The following GPR89A variants were observed in gnomAD, a reference collection of about 807,000 sequenced individuals.
GPR89A encodes the protein golgi pH regulator A.
GPR89A carries 16 observed loss-of-function variants against 52.0 expected under a neutral mutation model. The ratio of observed to expected loss-of-function variants is 0.31; its 90% CI spans 0.21 to 0.47. The LOEUF (loss-of-function observed/expected upper bound fraction) is 0.47, where lower values mean the gene tolerates loss of function less well. Among genes scored for constraint, GPR89A ranks in the 20% least tolerant of loss-of-function variants. GPR89A has a pLI of 1.00. For synonymous variants in GPR89A, 55 were observed against 150.9 expected (o/e 0.36, Z 4.66); for missense variants, 135 against 449.4 (o/e 0.30, Z 6.33).
chr1:145,661,775 G>A (rs181679688), intron 10 of GPR89A, among the ~76,000 whole-genome samples: 4,502 of 150,204 alleles, frequency 0.03, 207 homozygotes, highest in African/African-American at 0.1. Flanking sequence ...TGATATAGGG[G>A]TTTTAATGCT....
intron 7 of GPR89A, among the ~76,000 whole-genome samples, chr1:145,639,301 G>T (rs1240965322): frequency 6.6e-6 from 1 of 151,780 alleles, no homozygotes; most frequent in Admixed American, 6.6e-5. Flanking sequence ...GTACAGAAAG[G>T]CAAAATAACT....
chr1:145,646,567 G>A (rs1476947996), intron 9 of GPR89A: 18 of 433,386 alleles, frequency 4.2e-5, no homozygotes, highest in South Asian at 9.0e-5. Context: ...GATAAAGATG[G>A]TAGCTACTTT....
Position 145,663,323 on chromosome 1 carries a change from T to C in GPR89A, c.910-6T>C. On this transcript the variant is annotated splice_region_variant and splice_polypyrimidine_tract_variant and intron_variant, in intron 10 of 13. Transcript: ENST00000313835. ...TGCTCCAAGGTAAAAATCTGCATCT[T>C]TGCAGGCTACCATCAATATTGTTTT... The C allele has an allele frequency of 6.2e-7, 1 of 1,609,622 alleles. No individual in the cohort carries two copies. The highest frequency in any genetic ancestry group is 8.5e-7 in the Non-Finnish European group (1 of 1,178,788).
chr1:145,642,681 C>G (rs1424267467), intron 7 of GPR89A, among the ~76,000 whole-genome samples: 1 of 152,006 alleles, frequency 6.6e-6, no homozygotes, highest in Non-Finnish European at 1.5e-5. Context: ...TTGCTCTTCA[C>G]CATTTTTATC....
chr1:145,647,805 C>G (rs1211512737), intron 10 of GPR89A, among the ~76,000 whole-genome samples: 1 of 248 alleles, frequency 4.0e-3, no homozygotes, highest in East Asian at 0.25. Flanking sequence ...CTCCATCTCT[C>G]TCTCTCTCTT....
chr1:145,639,908 G>A (rs1256249010), intron 7 of GPR89A, among the ~76,000 whole-genome samples: 1 of 152,012 alleles, frequency 6.6e-6, no homozygotes, highest in Non-Finnish European at 1.5e-5. Context: ...CTAAATCTAA[G>A]TCTTACACCT....
intron 10 of GPR89A, among the ~76,000 whole-genome samples, chr1:145,647,750 A>T (rs1432519606): frequency 2.1e-5 from 3 of 140,342 alleles, no homozygotes; most frequent in Admixed American, 7.2e-5. Flanking sequence ...CGTTGCAGTG[A>T]GCTAAGATCA....
Position 145,609,424 on chromosome 1 carries a change from TTTTCA to T in GPR89A, c.42+1251_42+1255del, listed in dbSNP as rs200613184. On this transcript the variant is annotated intron_variant, in intron 1 of 13. Coordinates refer to ENST00000313835, the MANE Select transcript of GPR89A (RefSeq NM_001097612.2). Reference sequence around the variant, plus strand: ...TTAAAATTTACCACCTTTTCTATAGTTTTCATAAGTATTGTTTTTATTGGCTGCAT... The same window carrying T: ...TTAAAATTTACCACCTTTTCTATAGTTAAGTATTGTTTTTATTGGCTGCAT... 4.9e-3 allele frequency among the ~76,000 whole-genome samples: 745 copies of T among 152,304 alleles called. 8 individuals carry two copies. Among genetic ancestry groups the T allele is most frequent in the African/African-American group, 0.017 (701 of 41,552 alleles).
intron 10 of GPR89A, among the ~76,000 whole-genome samples, chr1:145,648,519 A>AAAAAAT (rs1436786975): frequency 1.4e-5 from 2 of 148,104 alleles, no homozygotes; most frequent in African/African-American, 5.0e-5. Flanking sequence ...TCATTCTGTC[A>AAAAAAT]CCCAAGCTGT....
At chr1:145,611,693 T>TA (rs1302619422) in intron 1 of GPR89A, 1 of 150,582 alleles carries the variant, frequency 6.6e-6, no homozygotes, top group Non-Finnish European at 1.5e-5. Flanking sequence ...GTGATTTTTT[T>TA]TTTAATCATC....
At position 145,613,484 on chromosome 1, in the gene GPR89A, A is replaced by G. The variant is rs147794139; in HGVS notation, c.43-2750A>G. On this transcript the variant is annotated intron_variant, in intron 1 of 13. Transcript: ENST00000313835. ...CAGCCACCATACCGCTCTATATAAT[A>G]TAAAACAAATCAGACCATGCCATTT... Among the ~76,000 whole-genome samples, 1,452 of 152,266 alleles carry G rather than the reference A, an allele frequency of 9.5e-3. 20 individuals carry two copies. Among genetic ancestry groups the G allele is most frequent in the African/African-American group, 0.033 (1,381 of 41,526 alleles).
At chr1:145,619,007 C>T (rs1210298895) in intron 3 of GPR89A, among the ~76,000 whole-genome samples, 8 of 152,174 alleles carry the variant, frequency 5.3e-5, no homozygotes, top group African/African-American at 1.4e-4. Context: ...GCTTGTTAAT[C>T]TGCAAGCTTG....
intron 10 of GPR89A, among the ~76,000 whole-genome samples, chr1:145,662,286 T>A (rs2101838373): frequency 6.6e-6 from 1 of 152,312 alleles, no homozygotes; most frequent in South Asian, 2.1e-4. Context: ...TGTATAAACA[T>A]TTAGAATCAT....
intron 10 of GPR89A, among the ~76,000 whole-genome samples, chr1:145,652,679 GTCT>G (rs1273921734): frequency 1.6e-5 from 2 of 122,184 alleles, no homozygotes; most frequent in African/African-American, 7.2e-5. Context: ...CTCCTTATGG[GTCT>G]ATTCAGGGAT....
chr1:145,619,174 A>T (rs1411909639), intron 3 of GPR89A, among the ~76,000 whole-genome samples: 47 of 152,080 alleles, frequency 3.1e-4, no homozygotes, highest in Middle Eastern at 6.8e-3. Context: ...TTCATTATAG[A>T]CCCCTGGCAC....
chr1:145,609,213 G>A (rs1648074353), intron 1 of GPR89A, among the ~76,000 whole-genome samples: 1 of 152,090 alleles, frequency 6.6e-6, no homozygotes. Flanking sequence ...ACCTTTGGGG[G>A]CTTAAAGTGA....
intron 12 of GPR89A, among the ~76,000 whole-genome samples, chr1:145,665,867 G>T (rs1371363355): frequency 2.1e-4 from 32 of 150,396 alleles, no homozygotes; most frequent in African/African-American, 7.8e-4. Context: ...GGTGGCACAT[G>T]CCTGTAGTCC....
intron 10 of GPR89A, among the ~76,000 whole-genome samples, chr1:145,647,847 CCT>C (rs1309040876): frequency 0.13 from 2,387 of 18,920 alleles, 257 homozygotes; most frequent in Non-Finnish European, 0.16. Flanking sequence ...TCTCTCTCCT[CCT>C]CCTCTCTCTC....
At chr1:145,633,855 A>G (rs1205591985) in intron 7 of GPR89A, among the ~76,000 whole-genome samples, 4 of 149,288 alleles carry the variant, frequency 2.7e-5, no homozygotes, top group African/African-American at 9.9e-5. Flanking sequence ...CTAATGTTCA[A>G]TGAACATTCC....
Sources: gnomAD v4.1 joint callset for allele counts (sites outside exome capture counted in the v4.1 genomes callset) on GRCh38, gnomAD v4.1.1 for gene constraint, MANE v1.5 for transcripts, NCBI Gene and HGNC (gene_info 2026-07-23, HGNC 2026-07-21) for gene names.